Variants in L3MBTL4 observed in about 807,000 individuals in gnomAD.
The protein encoded by L3MBTL4 is L3MBTL histone methyl-lysine binding protein 4, also known as lethal(3)malignant brain tumor-like protein 4.
In L3MBTL4, 70 loss-of-function variants were observed where a neutral mutation model predicts 84.5. The observed-to-expected ratio is 0.83, with a 90% confidence interval of 0.68 to 1.01. The LOEUF (loss-of-function observed/expected upper bound fraction) is 1.01, where lower values mean the gene tolerates loss of function less well. Ranked by LOEUF, L3MBTL4 falls within the 50% of genes least tolerant of loss-of-function variation. The probability of loss-of-function intolerance (pLI) is 0.00; values close to 1 mark genes in which losing one functional copy is unlikely to be tolerated. For missense variants in L3MBTL4, 715 were observed against 754.8 expected (o/e 0.95, Z 0.62); for synonymous variants, 274 against 259.8 (o/e 1.05, Z -0.52).
intron 1 of L3MBTL4, among the ~76,000 whole-genome samples, chr18:6,383,472 G>A (rs2054684453): frequency 6.6e-6 from 1 of 152,170 alleles, no homozygotes; most frequent in Non-Finnish European, 1.5e-5. Context: ...TGGTCTGCAG[G>A]TTGTGAAGAC....
chr18:6,034,980 C>G (rs1396760017), intron 16 of L3MBTL4, among the ~76,000 whole-genome samples: 4 of 151,408 alleles, frequency 2.6e-5, no homozygotes, highest in Non-Finnish European at 2.9e-5. Context: ...CCTTTGCCCA[C>G]TTTTTGATGG....
chr18:6,398,038 G>A (rs1034880205), intron 1 of L3MBTL4: 2 of 152,022 alleles, frequency 1.3e-5, no homozygotes, highest in African/African-American at 2.4e-5. Context: ...ATCTTCTTAA[G>A]GGGAAGTAAT....
At chr18:6,124,786 A>T (rs1405774630) in intron 14 of L3MBTL4, among the ~76,000 whole-genome samples, 2 of 151,962 alleles carry the variant, frequency 1.3e-5, no homozygotes, top group Non-Finnish European at 2.9e-5. Flanking sequence ...AGGATGAGAG[A>T]TTACCACTGG....
rs192647659 is a variant in L3MBTL4, at chr18:6,180,921, C to T, written c.982-8979G>A. 3.1e-3 allele frequency among the ~76,000 whole-genome samples: 479 copies of T among 152,244 alleles called. 2 individuals carry two copies. The highest frequency in any genetic ancestry group is 9.8e-3 in the African/African-American group (406 of 41,542). On this transcript the variant is annotated intron_variant, in intron 12 of 18. Coordinates refer to ENST00000317931, the MANE Select transcript of L3MBTL4 (RefSeq NM_001330559.2). ...GATGAATGGGTATGTGGTATGTACA[C>T]GCAATGGAATATTATTCAGCCACCA... is the stretch of plus-strand genomic sequence containing the variant.
rs574483823 is a variant in L3MBTL4, at chr18:6,190,512, G to A, written c.982-18570C>T. Among the ~76,000 whole-genome samples, 625 of 152,216 alleles carry A rather than the reference G, an allele frequency of 4.1e-3. 3 individuals are homozygous for A. The highest frequency in any genetic ancestry group is 0.013 in the African/African-American group (529 of 41,546). On this transcript the variant is annotated intron_variant, in intron 12 of 18. Transcript: ENST00000317931. Reference sequence around the variant, plus strand: ...CATGCTTGCCAGTCATAATGAGATCGATTCAGAATTTATCAGTAGAGTTCT... The same window carrying A: ...CATGCTTGCCAGTCATAATGAGATCAATTCAGAATTTATCAGTAGAGTTCT...
At chr18:6,410,202 C>T (rs2055907680) in intron 1 of L3MBTL4, among the ~76,000 whole-genome samples, 1 of 152,246 alleles carries the variant, frequency 6.6e-6, no homozygotes, top group Admixed American at 6.5e-5. Context: ...AGCTTTTCCC[C>T]ACAAACCGCC....
chr18:6,400,819 G>A (rs1366917547), intron 1 of L3MBTL4, among the ~76,000 whole-genome samples: 1 of 152,180 alleles, frequency 6.6e-6, no homozygotes, highest in Non-Finnish European at 1.5e-5. Context: ...ACTGGGAACT[G>A]TAATCTACAG....
intron 14 of L3MBTL4, among the ~76,000 whole-genome samples, chr18:6,095,920 G>A (rs1276097919): frequency 6.6e-6 from 1 of 152,144 alleles, no homozygotes. Context: ...GGCAAAAGTT[G>A]GAAGGCATTA....
rs144126207 is a variant in L3MBTL4, at chr18:6,029,277, C to A, written c.1444+51604G>T. On this transcript the variant is annotated intron_variant, in intron 16 of 18. Coordinates refer to ENST00000317931, the MANE Select transcript of L3MBTL4 (RefSeq NM_001330559.2). ...CACCTACAATCGCAGAGGGCCCTGA[C>A]CCTGTCTGCCCAGGAGTATGCTTAA... is the stretch of plus-strand genomic sequence containing the variant. The A allele has an allele frequency of 1.1e-3, 253 of 220,768 alleles. 2 individuals carry two copies. Among genetic ancestry groups the A allele is most frequent in the African/African-American group, 5.8e-3 (248 of 42,758 alleles). The allele number at this position is 220,768 out of a possible 1,614,324, so 13.7% of individuals were successfully genotyped here.
chr18:6,072,885 T>TAAAAAAAAAAA (rs1568069890), intron 16 of L3MBTL4, among the ~76,000 whole-genome samples: 2 of 8,918 alleles, frequency 2.2e-4, no homozygotes, highest in Non-Finnish European at 3.3e-4. Context: ...AAAAAAAATA[T>TAAAAAAAAAAA]ATATATATAT....
intron 12 of L3MBTL4, among the ~76,000 whole-genome samples, chr18:6,193,554 G>A (rs1481447739): frequency 6.6e-6 from 1 of 152,238 alleles, no homozygotes; most frequent in Admixed American, 6.5e-5. Flanking sequence ...AGGGTCCAGA[G>A]GCACAAGGCA....
chr18:6,297,944 A>T (rs967076215), intron 4 of L3MBTL4, among the ~76,000 whole-genome samples: 7 of 152,212 alleles, frequency 4.6e-5, no homozygotes, highest in African/African-American at 1.7e-4. Context: ...GTTGTTGGAC[A>T]TTTGGATTAT....
At chr18:6,234,162 A>C (rs1378354058) in intron 10 of L3MBTL4, among the ~76,000 whole-genome samples, 1 of 152,190 alleles carries the variant, frequency 6.6e-6, no homozygotes, top group African/African-American at 2.4e-5. Context: ...CACAAAAATT[A>C]ATCCAAGATG....
chr18:6,287,848 C>A (rs2049669567), intron 4 of L3MBTL4, among the ~76,000 whole-genome samples: 1 of 152,068 alleles, frequency 6.6e-6, no homozygotes, highest in South Asian at 2.1e-4. Context: ...ATAAATCTTA[C>A]CCTGAGCAAC....
chr18:6,076,465 C>T (rs2057858711), intron 16 of L3MBTL4, among the ~76,000 whole-genome samples: 1 of 152,162 alleles, frequency 6.6e-6, no homozygotes, highest in South Asian at 2.1e-4. Context: ...GGGTCAGAAG[C>T]TTGAGGTGAG....
At chr18:6,018,757 T>C (rs888364686) in intron 16 of L3MBTL4, among the ~76,000 whole-genome samples, 1 of 152,140 alleles carries the variant, frequency 6.6e-6, no homozygotes, top group Non-Finnish European at 1.5e-5. Flanking sequence ...GTCAAACCAA[T>C]GACATGTCTG....
At chr18:6,063,819 T>G (rs1054603875) in intron 16 of L3MBTL4, among the ~76,000 whole-genome samples, 4 of 152,260 alleles carry the variant, frequency 2.6e-5, no homozygotes, top group African/African-American at 9.6e-5. Flanking sequence ...CTGTTTACTC[T>G]GCTGATTATT....
intron 14 of L3MBTL4, among the ~76,000 whole-genome samples, chr18:6,122,464 G>A (rs2144342927): frequency 6.6e-6 from 1 of 152,338 alleles, no homozygotes; most frequent in Admixed American, 6.5e-5. Context: ...TCTCATGAGA[G>A]TGAATAAGTC....
chr18:6,350,131 T>C (rs185578495), intron 1 of L3MBTL4, among the ~76,000 whole-genome samples: 4 of 152,218 alleles, frequency 2.6e-5, no homozygotes, highest in Admixed American at 6.5e-5. Flanking sequence ...GACCTAAACA[T>C]AATAGCTGAA....
Sources: gnomAD v4.1 joint callset for allele counts (sites outside exome capture counted in the v4.1 genomes callset) on GRCh38, gnomAD v4.1.1 for gene constraint, MANE v1.5 for transcripts, NCBI Gene and HGNC (gene_info 2026-07-23, HGNC 2026-07-21) for gene names.